Variants in TENM2 observed in about 807,000 individuals in gnomAD.
The protein encoded by TENM2 is teneurin transmembrane protein 2, also known as teneurin-2.
A neutral mutation model predicts 245.2 loss-of-function variants in TENM2; 52 were observed. The ratio of observed to expected loss-of-function variants is 0.21; its 90% CI spans 0.17 to 0.27. The LOEUF is 0.27. Ranked by LOEUF, TENM2 falls within the 10% of genes least tolerant of loss-of-function variation. The probability of loss-of-function intolerance (pLI) is 1.00; values close to 1 mark genes in which losing one functional copy is unlikely to be tolerated. For synonymous variants in TENM2, 1,363 were observed against 1,438.9 expected (o/e 0.95, Z 1.19); for missense variants, 3,046 against 3,666.8 (o/e 0.83, Z 4.37).
At chr5:166,983,468 C>T in the TENM2 span, among the ~76,000 whole-genome samples, 4 of 152,122 alleles carry the variant, frequency 2.6e-5, no homozygotes, top group South Asian at 2.1e-4. Flanking sequence ...ATGTGCTTTT[C>T]GAATGTACTA....
chr5:167,856,917 C>CT (rs2151249854), intron 2 of TENM2, among the ~76,000 whole-genome samples: 1 of 152,312 alleles, frequency 6.6e-6, no homozygotes, highest in African/African-American at 2.4e-5. Flanking sequence ...TTAGAAAGCT[C>CT]TTTACATGTT....
At chr5:167,246,147 C>T in the TENM2 span, among the ~76,000 whole-genome samples, 13 of 152,220 alleles carry the variant, frequency 8.5e-5, no homozygotes, top group Admixed American at 4.6e-4. Context: ...ATCCTTTCTA[C>T]GGCAAGAGAG....
At chr5:167,219,187 C>T in the TENM2 span, among the ~76,000 whole-genome samples, 8 of 152,208 alleles carry the variant, frequency 5.3e-5, no homozygotes, top group East Asian at 1.9e-4. Context: ...GTAATCCTAG[C>T]GTTTTGGAAG....
the TENM2 span, among the ~76,000 whole-genome samples, chr5:167,072,349 A>C: frequency 6.6e-6 from 1 of 152,270 alleles, no homozygotes; most frequent in Non-Finnish European, 1.5e-5. Flanking sequence ...GGAGGAACTT[A>C]GTGAGTCACT....
chr5:167,758,952 A>C (rs1233964827), intron 2 of TENM2, among the ~76,000 whole-genome samples: 1 of 151,866 alleles, frequency 6.6e-6, no homozygotes, highest in Non-Finnish European at 1.5e-5. Context: ...CTTTTCCACC[A>C]TACTGCTTTT....
At chr5:167,681,537 G>A (rs1220598550) in intron 2 of TENM2, among the ~76,000 whole-genome samples, 1 of 152,114 alleles carries the variant, frequency 6.6e-6, no homozygotes, top group South Asian at 2.1e-4. Flanking sequence ...CTTGCTGAAT[G>A]ACAGGATATA....
the TENM2 span, among the ~76,000 whole-genome samples, chr5:167,241,982 A>AT: frequency 2.7e-5 from 4 of 148,124 alleles, no homozygotes; most frequent in Non-Finnish European, 6.0e-5. Context: ...GAGGGCCAGG[A>AT]TTTTTTGTCT....
intron 2 of TENM2, among the ~76,000 whole-genome samples, chr5:167,501,011 T>C (rs552740777): frequency 6.6e-6 from 1 of 152,288 alleles, no homozygotes; most frequent in East Asian, 1.9e-4. Flanking sequence ...TAACCAAGTG[T>C]GGGCCTTCAG....
At chr5:167,317,613 C>T (rs1756449108) in intron 1 of TENM2, among the ~76,000 whole-genome samples, 1 of 152,210 alleles carries the variant, frequency 6.6e-6, no homozygotes, top group Non-Finnish European at 1.5e-5. Context: ...TAGGCACTGC[C>T]TGCCATTGTG....
chr5:168,069,804 G>C (rs1790824939), intron 7 of TENM2, among the ~76,000 whole-genome samples: 1 of 152,076 alleles, frequency 6.6e-6, no homozygotes, highest in African/African-American at 2.4e-5. Context: ...AATTACACCT[G>C]CTGCCAAAAA....
the TENM2 span, among the ~76,000 whole-genome samples, chr5:167,214,361 C>G: frequency 6.6e-6 from 1 of 152,248 alleles, no homozygotes; most frequent in East Asian, 1.9e-4. Flanking sequence ...GATCTATAGG[C>G]AATAGATCTC....
At chr5:167,632,818 G>A (rs1448506954) in intron 2 of TENM2, among the ~76,000 whole-genome samples, 2 of 152,120 alleles carry the variant, frequency 1.3e-5, no homozygotes, top group Non-Finnish European at 2.9e-5. Flanking sequence ...GAAATGCCCT[G>A]CTCTCGATCA....
intron 2 of TENM2, among the ~76,000 whole-genome samples, chr5:167,404,999 G>A (rs564649231): frequency 1.3e-5 from 2 of 152,158 alleles, no homozygotes; most frequent in South Asian, 4.1e-4. Flanking sequence ...CCATAGATTT[G>A]CCTATTTTAG....
intron 5 of TENM2, among the ~76,000 whole-genome samples, chr5:168,041,971 A>C (rs1021447283): frequency 1.3e-5 from 2 of 152,188 alleles, no homozygotes; most frequent in Admixed American, 6.5e-5. Context: ...TGTGCATGTT[A>C]GCCCTGATTA....
At chr5:167,641,834 C>A (rs1779632106) in intron 2 of TENM2, among the ~76,000 whole-genome samples, 1 of 152,164 alleles carries the variant, frequency 6.6e-6, no homozygotes, top group Non-Finnish European at 1.5e-5. Flanking sequence ...AACATACCAC[C>A]ATGCCTGGCA....
intron 2 of TENM2, among the ~76,000 whole-genome samples, chr5:167,645,932 A>C (rs1779899095): frequency 6.6e-6 from 1 of 151,700 alleles, no homozygotes. Flanking sequence ...ATTACTTTTT[A>C]AACTACACTT....
Position 167,870,569 on chromosome 5 carries a change from A to ATATATG in TENM2, c.503-5416_503-5415insATATGT, listed in dbSNP as rs372917707. On this transcript the variant is annotated intron_variant, in intron 2 of 28. Transcript: ENST00000518659. Reference sequence around the variant, plus strand: ...AATGTGTATACATATATATATATATATGTGTGTGTATATATATATGTATAT... The same window carrying ATATATG: ...AATGTGTATACATATATATATATATATATATGTGTGTGTGTATATATATATGTATAT... Among the ~76,000 whole-genome samples the ATATATG allele has an allele frequency of 7.4e-4, 106 of 142,430 alleles. 1 individual carries two copies. Among genetic ancestry groups the ATATATG allele is most frequent in the African/African-American group, 2.9e-3 (104 of 36,182 alleles). 93.4% of individuals were successfully genotyped at this position (142,430 alleles called of 152,430 possible).
At chr5:168,023,431 G>A (rs886618897) in intron 5 of TENM2, among the ~76,000 whole-genome samples, 2 of 152,120 alleles carry the variant, frequency 1.3e-5, no homozygotes, top group Non-Finnish European at 2.9e-5. Flanking sequence ...AGCCTGGCCC[G>A]CCGACGGCTG....
the TENM2 span, among the ~76,000 whole-genome samples, chr5:167,058,763 C>T: frequency 6.7e-6 from 1 of 149,528 alleles, no homozygotes; most frequent in East Asian, 2.0e-4. Context: ...AAGAGGGGGG[C>T]GGGGAAAAAA....
Sources: allele counts gnomAD v4.1 joint callset (sites outside exome capture counted in the v4.1 genomes callset), GRCh38; gene constraint gnomAD v4.1.1; transcripts MANE v1.5; gene names NCBI Gene and HGNC (gene_info 2026-07-23, HGNC 2026-07-21).